INPP4A: variants seen among roughly 807,000 people sequenced by gnomAD.
INPP4A encodes inositol polyphosphate-4-phosphatase, type I, 107kD.
A neutral mutation model predicts 119.8 loss-of-function variants in INPP4A; 33 were observed. That is an observed-to-expected ratio of 0.28 (90% CI 0.21 to 0.37). The LOEUF (loss-of-function observed/expected upper bound fraction) is 0.37, where lower values mean the gene tolerates loss of function less well. Ranked by LOEUF, INPP4A falls within the 10% of genes least tolerant of loss-of-function variation. The probability of loss-of-function intolerance (pLI) is 1.00; values close to 1 mark genes in which losing one functional copy is unlikely to be tolerated. For missense variants in INPP4A, 956 were observed against 1,289.9 expected (o/e 0.74, Z 3.97); for synonymous variants, 496 against 500.7 (o/e 0.99, Z 0.12).
At chr2:98,492,974 T>A (rs1453564899) in intron 1 of INPP4A, among the ~76,000 whole-genome samples, 1 of 152,130 alleles carries the variant, frequency 6.6e-6, no homozygotes, top group Non-Finnish European at 1.5e-5. Context: ...GTCTCTGTTT[T>A]CTCCCCTGAT....
chr2:98,486,398 C>G (rs145322750), intron 1 of INPP4A, among the ~76,000 whole-genome samples: 324 of 151,210 alleles, frequency 2.1e-3, no homozygotes, highest in African/African-American at 7.3e-3. Flanking sequence ...TTTGCTTCCT[C>G]TGTCTTTCTC....
Position 98,566,362 on chromosome 2 carries a change from C to T in INPP4A, c.2420+193C>T, listed in dbSNP as rs2106361408. On this transcript the variant is annotated intron_variant, in intron 21 of 24. Transcript: ENST00000409851. The surrounding 1 kb of genome is among the most constrained non-coding windows in gnomAD (Gnocchi z 4.2). ...GGACACAGAGTGACCCAGAGGTGGTCTCTGTCCTCAGGGACTCAGCTGGTG... is the reference window on the plus strand; with the variant it reads ...GGACACAGAGTGACCCAGAGGTGGTTTCTGTCCTCAGGGACTCAGCTGGTG... Among the ~76,000 whole-genome samples, 1 of 152,250 alleles carries T rather than the reference C, an allele frequency of 6.6e-6. No individual in the cohort carries two copies. Among genetic ancestry groups the T allele is most frequent in the East Asian group, 1.9e-4 (1 of 5,180 alleles).
intron 1 of INPP4A, among the ~76,000 whole-genome samples, chr2:98,485,488 C>G (rs1468934297): frequency 6.6e-6 from 1 of 152,016 alleles, no homozygotes; most frequent in Non-Finnish European, 1.5e-5. Context: ...TTAACATATC[C>G]AGCTTACTGC....
At position 98,594,328 on chromosome 2, in the gene INPP4A, G is replaced by A. The variant is rs902893153; in HGVS notation, c.*6720G>A. 9 of 152,122 alleles carry A rather than the reference G, an allele frequency of 5.9e-5. No individual in the cohort carries two copies. Among genetic ancestry groups the A allele is most frequent in the Non-Finnish European group, 1.0e-4 (7 of 68,026 alleles). The allele number at this position is 152,122 out of a possible 1,614,324, so 9.4% of individuals were successfully genotyped here. Reference sequence around the variant, plus strand: ...ACAGATTACTTTGTTCTTAACATACGAACATCCTATTCACTTTTTGGTATA... The same window carrying A: ...ACAGATTACTTTGTTCTTAACATACAAACATCCTATTCACTTTTTGGTATA... On this transcript the variant is annotated 3_prime_UTR_variant, in exon 25 of 25. Coordinates refer to ENST00000409851, the MANE Select transcript of INPP4A (RefSeq NM_001134225.2).
At chr2:98,482,338 A>G (rs956858948) in intron 1 of INPP4A, among the ~76,000 whole-genome samples, 2 of 152,210 alleles carry the variant, frequency 1.3e-5, no homozygotes, top group African/African-American at 4.8e-5. Flanking sequence ...CACTTTTCCT[A>G]TCTTGGCCAG....
At chr2:98,475,955 A>G (rs1323446171) in intron 1 of INPP4A, among the ~76,000 whole-genome samples, 1 of 152,196 alleles carries the variant, frequency 6.6e-6, no homozygotes, top group Non-Finnish European at 1.5e-5. Context: ...CTAATCTACA[A>G]ATGTTTAATC....
intron 1 of INPP4A, among the ~76,000 whole-genome samples, chr2:98,512,463 A>G (rs1258715684): frequency 1.3e-5 from 2 of 152,238 alleles, no homozygotes; most frequent in African/African-American, 4.8e-5. Flanking sequence ...TTGTAAAGAA[A>G]AGCAACTTAT....
At chr2:98,580,028 C>T (rs539645065) in intron 24 of INPP4A, among the ~76,000 whole-genome samples, 209 of 152,334 alleles carry the variant, frequency 1.4e-3, no homozygotes, top group Non-Finnish European at 2.4e-3. Flanking sequence ...TCGATACGAT[C>T]CCATGAGGGG....
intron 17 of INPP4A, among the ~76,000 whole-genome samples, chr2:98,561,350 C>T (rs542600925): frequency 3.9e-5 from 6 of 152,304 alleles, no homozygotes; most frequent in East Asian, 1.9e-4. Context: ...AACCCTTCAC[C>T]GATTCCAGTG....
Position 98,520,021 on chromosome 2 carries a change from C to A in INPP4A, c.-28C>A. 6.5e-7 allele frequency: 1 copy of A among 1,545,316 alleles called. No homozygotes were observed. Among genetic ancestry groups the A allele is most frequent in the South Asian group, 1.2e-5 (1 of 84,262 alleles). ...AATCAGGCGTGGTCTGACCGAGGAT[C>A]AAGAAGCACATCATCACCAATGACA... is the stretch of plus-strand genomic sequence containing the variant. On this transcript the variant is annotated 5_prime_UTR_variant, in exon 3 of 25. Coordinates refer to ENST00000409851, the MANE Select transcript of INPP4A (RefSeq NM_001134225.2).
chr2:98,562,204 C>G (rs1188559910), intron 17 of INPP4A, among the ~76,000 whole-genome samples: 1 of 152,246 alleles, frequency 6.6e-6, no homozygotes, highest in Non-Finnish European at 1.5e-5. Context: ...GATACAAATC[C>G]TGTCCACAAA....
At chr2:98,560,094 G>A (rs1346269734) in intron 17 of INPP4A, among the ~76,000 whole-genome samples, 3 of 152,182 alleles carry the variant, frequency 2.0e-5, no homozygotes, top group East Asian at 3.8e-4. Flanking sequence ...GGCCTTCAAA[G>A]CCTAAAATAT....
At chr2:98,516,443 G>A (rs909055144) in intron 1 of INPP4A, among the ~76,000 whole-genome samples, 4 of 152,144 alleles carry the variant, frequency 2.6e-5, no homozygotes, top group Admixed American at 2.0e-4. Flanking sequence ...GGCAGAGCAG[G>A]CTGGTGGAGT....
chr2:98,527,307 A>G (rs1175474825), intron 4 of INPP4A, among the ~76,000 whole-genome samples: 1 of 152,192 alleles, frequency 6.6e-6, no homozygotes, highest in Non-Finnish European at 1.5e-5. Context: ...TACATCCTGT[A>G]CCTGCCTTTA....
At chr2:98,529,170 A>G (rs1174874692) in intron 4 of INPP4A, among the ~76,000 whole-genome samples, 2 of 152,234 alleles carry the variant, frequency 1.3e-5, no homozygotes, top group African/African-American at 2.4e-5. Context: ...AATGTTATCA[A>G]TAAAAAGGAA....
intron 1 of INPP4A, among the ~76,000 whole-genome samples, chr2:98,458,052 C>T (rs1359368684): frequency 6.7e-6 from 1 of 150,296 alleles, no homozygotes; most frequent in East Asian, 2.0e-4. Context: ...CTCCTGGCCT[C>T]AAATGATCCT....
intron 4 of INPP4A, among the ~76,000 whole-genome samples, chr2:98,533,026 CCTTCA>C (rs1475287678): frequency 6.6e-6 from 1 of 152,154 alleles, no homozygotes; most frequent in African/African-American, 2.4e-5. Flanking sequence ...CTCTGTGGCT[CCTTCA>C]CTCAATTGGT....
rs1700512510 is a variant in INPP4A at position 98,594,256 on chromosome 2, C to T, written c.*6648C>T. 6.6e-6 allele frequency: 1 copy of T among 152,202 alleles called. No homozygotes were observed. The highest frequency in any genetic ancestry group is 1.5e-5 in the Non-Finnish European group (1 of 68,040). The allele number at this position is 152,202 out of a possible 1,614,324, so 9.4% of individuals were successfully genotyped here. A position where few individuals can be genotyped will look rare whatever the true frequency, so the allele number is the denominator to read the frequency against. ...TCTGAAAAAAGTCAGGCTAAAATTA[C>T]AGGGGGTTCAGGCAATGTTATCTTG... On this transcript the variant is annotated 3_prime_UTR_variant, in exon 25 of 25. Coordinates refer to ENST00000409851, the MANE Select transcript of INPP4A (RefSeq NM_001134225.2).
intron 23 of INPP4A, 37 bp downstream of exon 23, chr2:98,572,964 T>G: frequency 7.1e-7 from 1 of 1,406,586 alleles, no homozygotes; most frequent in South Asian, 1.2e-5. Context: ...GCTATTGCGG[T>G]GCCCACAGCT....
Sources: gnomAD v4.1 joint callset for allele counts (sites outside exome capture counted in the v4.1 genomes callset) on GRCh38, gnomAD v4.1.1 for gene constraint, Gnocchi (gnomAD v3.1) non-coding constraint, MANE v1.5 for transcripts, NCBI Gene and HGNC (gene_info 2026-07-23, HGNC 2026-07-21) for gene names.